KRT73: variants seen among roughly 807,000 people sequenced by gnomAD.
The protein encoded by KRT73 is keratin 73.
KRT73 carries 44 observed loss-of-function variants against 47.2 expected under a neutral mutation model. The observed-to-expected ratio is 0.93, with a 90% CI of 0.73 to 1.20. The LOEUF is 1.20. Ranked by LOEUF, KRT73 falls within the 50% of genes most tolerant of loss-of-function variation. The probability of loss-of-function intolerance (pLI) is 0.00; values close to 1 mark genes in which losing one functional copy is unlikely to be tolerated. For synonymous variants in KRT73, 285 were observed against 291.3 expected (o/e 0.98, Z 0.22); for missense variants, 713 against 704.5 (o/e 1.01, Z -0.14).
intron 3 of KRT73, chr12:52,615,066 T>A (rs1592244459): frequency 7.4e-6 from 4 of 538,144 alleles, no homozygotes; most frequent in East Asian, 3.0e-5. Flanking sequence ...TGGGACTGAC[T>A]ATCCACATCT....
Position 52,611,225 on chromosome 12 carries a change from C to G in KRT73, c.1089G>C (p.Glu363Asp), listed in dbSNP as rs115352534. 8.0e-5 allele frequency: 129 copies of G among 1,614,202 alleles called. 2 individuals carry two copies. In the East Asian group the frequency reaches 2.7e-3, roughly 34 times the overall value. The change falls in exon 6 of 9, where the codon GAG becomes GAC. Residue 363 changes from glutamate (E) to aspartate (D), a missense_variant. By Grantham distance (45) the Glu-to-Asp change is conservative. Transcript: ENST00000305748. ...TCACCTGCTTCTTCACACTCTCAATCTCCGAGCGCAGTCTTTGGATGAGAC... is the reference window on the plus strand; with the variant it reads ...TCACCTGCTTCTTCACACTCTCAATGTCCGAGCGCAGTCTTTGGATGAGAC... The part of the protein sequence containing the change: ...LTRLIQRLRS[E>D]IESVKKQCAN...
upstream of KRT73, among the ~76,000 whole-genome samples, chr12:52,620,323 C>G (rs1016933827): frequency 6.6e-6 from 1 of 152,018 alleles, no homozygotes; most frequent in Non-Finnish European, 1.5e-5. Flanking sequence ...AGGCTGGTCT[C>G]GGTCTCCCAA....
chr12:52,613,886 C>A (rs1401626892), intron 4 of KRT73, 34 bp from the exon 5 acceptor site: 3 of 1,603,062 alleles, frequency 1.9e-6, no homozygotes, highest in African/African-American at 1.3e-5. Flanking sequence ...GAAATGCCTT[C>A]TGTGACCAGA....
chr12:52,621,290 A>AGG (rs11302494), upstream of KRT73, among the ~76,000 whole-genome samples: 6 of 105,368 alleles, frequency 5.7e-5, no homozygotes, highest in South Asian at 8.1e-4. Flanking sequence ...AGAGAAAGAA[A>AGG]GGGGGGGGGG....
rs1406750017 is a variant in KRT73, at chr12:52,613,702, G to A, written c.970C>T (p.Leu324=). 2 of 1,614,054 alleles carry A rather than the reference G, an allele frequency of 1.2e-6. No homozygotes were observed. The highest frequency in any genetic ancestry group is 1.7e-5 in the Admixed American group (1 of 60,010). ...ARKSKAEAEA[L]YQTKFQELQL... is the part of the protein sequence containing the mutation. ...TGCGGCCTCACCTTGGTCTGGTACA[G>A]GGCCTCGGCCTCGGCCTTGCTCTTC... The change falls in exon 5 of 9, where the codon CTG becomes TTG. Residue 324 remains leucine (L), a synonymous_variant. Transcript: ENST00000305748.
At chr12:52,629,111 C>T in the KRT73 span, among the ~76,000 whole-genome samples, 2 of 152,216 alleles carry the variant, frequency 1.3e-5, no homozygotes, top group Non-Finnish European at 2.9e-5. Context: ...CTGGATGCTG[C>T]ACCAGATCCT....
intron 1 of KRT73, 107 bp from the exon 2 acceptor site, chr12:52,616,487 G>A (rs1467514875): frequency 7.1e-7 from 1 of 1,403,080 alleles, no homozygotes; most frequent in Non-Finnish European, 9.7e-7. Context: ...TTAAAAATGA[G>A]CCTCAGCCCT....
intron 1 of KRT73, 33 bp from the exon 2 acceptor site, chr12:52,616,413 T>C (rs184243875): frequency 1.7e-5 from 27 of 1,612,068 alleles, no homozygotes; most frequent in Non-Finnish European, 2.2e-5. Flanking sequence ...TTAAGCAATG[T>C]GGAGAGGGGA....
At chr12:52,623,005 A>T (rs1366778170), upstream of KRT73, among the ~76,000 whole-genome samples, 3 of 152,176 alleles carry the variant, frequency 2.0e-5, no homozygotes, top group African/African-American at 7.2e-5. Flanking sequence ...CTAACAAAAG[A>T]TCTAACAGTC....
Position 52,608,329 on chromosome 12 carries a change from C to A in KRT73, c.1490G>T (p.Gly497Val). 1.2e-6 allele frequency: 2 copies of A among 1,613,926 alleles called. No individual in the cohort carries two copies. Among genetic ancestry groups the A allele is most frequent in the Non-Finnish European group, 1.7e-6 (2 of 1,180,006 alleles). ...ACAGTTCCCACTGCCAGTGACACAG[C>A]CCCCAGGCAGCATGCTGTAGCCCCC... ...VSGGYSMLPG[G>V]CVTGSGNCSP... Residue 497 changes from glycine to valine, a missense_variant, in exon 9 of 9, where the codon GGC becomes GTC. Gly to Val is a moderately radical substitution (Grantham distance 109). Coordinates refer to ENST00000305748, the MANE Select transcript of KRT73 (RefSeq NM_175068.3).
chr12:52,609,503 A>T lies in KRT73; in HGVS notation c.1332-222T>A, dbSNP rs138540243. On this transcript the variant is annotated intron_variant, in intron 7 of 8. Transcript: ENST00000305748. ...GAGATGTGGAACCTGCAACTTTGGAACCCCCAACAACATTACCACCCCCAA... is the reference window on the plus strand; with the variant it reads ...GAGATGTGGAACCTGCAACTTTGGATCCCCCAACAACATTACCACCCCCAA... 1.4e-4 allele frequency among the ~76,000 whole-genome samples: 21 copies of T among 151,862 alleles called. No individual in the cohort carries two copies. In the East Asian group the frequency reaches 3.5e-3, roughly 25 times the overall value.
chr12:52,609,359 G>A lies in KRT73; in HGVS notation c.1332-78C>T. The A allele has an allele frequency of 3.2e-6, 4 of 1,245,326 alleles. No homozygotes were observed. The Admixed American group carries it at 5.0e-5, about 16-fold the overall frequency. The allele number at this position is 1,245,326 out of a possible 1,614,324, so 77.1% of individuals were successfully genotyped here. On this transcript the variant is annotated intron_variant, in intron 7 of 8. Transcript: ENST00000305748. Reference sequence around the variant, plus strand: ...GCCCTCACTGCCTAAACACAGGCTGGGGATCCCCAGCCAGACCAGCTCAGC... The same window carrying A: ...GCCCTCACTGCCTAAACACAGGCTGAGGATCCCCAGCCAGACCAGCTCAGC...
chr12:52,619,739 A>C (rs1246975051), upstream of KRT73, among the ~76,000 whole-genome samples: 3 of 152,208 alleles, frequency 2.0e-5, no homozygotes, highest in Non-Finnish European at 4.4e-5. Flanking sequence ...GTAGGGGAAG[A>C]CATTTGAATT....
intron 1 of KRT73, 29 bp downstream of exon 1, chr12:52,618,049 C>T (rs1940844812): frequency 3.7e-6 from 6 of 1,607,774 alleles, no homozygotes; most frequent in Non-Finnish European, 5.1e-6. Context: ...AAGGGGAGCC[C>T]AAGATCAGCT....
At chr12:52,622,325 T>C (rs147080846), upstream of KRT73, among the ~76,000 whole-genome samples, 460 of 152,346 alleles carry the variant, frequency 3.0e-3, 2 homozygotes, top group African/African-American at 0.011. Context: ...TTTTATTTAT[T>C]TTTTATTTTT....
At chr12:52,610,461 C>T in intron 7 of KRT73, 154 bp downstream of exon 7, 1 of 736,768 alleles carries the variant, frequency 1.4e-6, no homozygotes. Context: ...AAATTGCTGT[C>T]ACATTATCTG....
At chr12:52,614,441 C>T (rs560166495) in intron 4 of KRT73, 138 bp downstream of exon 4, 106 of 666,592 alleles carry the variant, frequency 1.6e-4, no homozygotes, top group Middle Eastern at 1.6e-3. Context: ...CCACTCCCAC[C>T]TTTGATCTAC....
Position 52,616,199 on chromosome 12 carries a change from C to G in KRT73, c.629G>C (p.Ser210Thr). 5.6e-6 allele frequency: 9 copies of G among 1,614,154 alleles called. No homozygotes were observed. Among genetic ancestry groups the G allele is most frequent in the Non-Finnish European group, 7.6e-6 (9 of 1,180,004 alleles). Reference protein sequence around the residue: ...DRVRLDSELRSVREVVEDYKK... With the variant: ...DRVRLDSELRTVREVVEDYKK... The stretch of plus-strand genomic sequence containing the variant: ...GTAGTCCTCCACCACTTCGCGCACG[C>G]TCCTCAGCTCCGAGTCCAGCCTCAC... The change falls in exon 2 of 9, where the codon AGC (serine) becomes ACC (threonine). Residue 210 changes from serine (S) to threonine (T), a missense_variant. Transcript: ENST00000305748.
rs765250920 is a variant in KRT73, at chr12:52,614,578, C to T, written c.819+1G>A. On this transcript the variant is annotated splice_donor_variant, in intron 4 of 8. Transcript: ENST00000305748. LOFTEE classifies it high-confidence loss of function. ...CAGAGGTGGGGCAGGGGGAGCCTTA[C>T]CCCCTCGTACAGACACTTGAAGAAC... 9 of 1,612,040 alleles carry T rather than the reference C, an allele frequency of 5.6e-6. No individual in the cohort carries two copies. The highest frequency in any genetic ancestry group is 4.0e-5 in the African/African-American group (3 of 74,846).
Sources: gnomAD v4.1 joint callset for allele counts (sites outside exome capture counted in the v4.1 genomes callset) on GRCh38, gnomAD v4.1.1 for gene constraint, MANE v1.5 for transcripts, NCBI Gene and HGNC (gene_info 2026-07-23, HGNC 2026-07-21) for gene names.